The following PNPT1 variants were observed in gnomAD, a reference collection of about 807,000 sequenced individuals.
PNPT1 encodes polyribonucleotide nucleotidyltransferase 1, mitochondrial.
Under a neutral mutation model 119.5 loss-of-function variants are expected in PNPT1, and 53 were observed. That is an observed-to-expected ratio of 0.44 (90% CI 0.36 to 0.56). The LOEUF is 0.56. PNPT1 is among the 20% of genes least tolerant of loss of function. The probability of loss-of-function intolerance (pLI) is 0.00; values close to 1 mark genes in which losing one functional copy is unlikely to be tolerated. For missense variants in PNPT1, 948 were observed against 938.5 expected, an observed-to-expected ratio of 1.01 and a Z score of -0.13; for synonymous variants, 357 against 322.1, an observed-to-expected ratio of 1.11 and a Z score of -1.16.
chr2:55,667,135 A>C lies in PNPT1; in HGVS notation c.1074-42T>G, dbSNP rs751148241. ...AATAAGTACATTAAGTAACGCTGGA[A>C]ACAGAAAAATCACATGTCTTTATCT... On this transcript the variant is annotated intron_variant, in intron 12 of 27. Coordinates refer to ENST00000447944, the MANE Select transcript of PNPT1 (RefSeq NM_033109.5). 9 of 1,470,670 alleles carry C rather than the reference A, an allele frequency of 6.1e-6. No homozygotes were observed. The South Asian group carries it at 1.0e-4, about 17-fold the overall frequency. 91.1% of individuals were successfully genotyped at this position (1,470,670 alleles called of 1,614,324 possible). A position where few individuals can be genotyped will look rare whatever the true frequency, so the allele number is the denominator to read the frequency against.
intron 18 of PNPT1, among the ~76,000 whole-genome samples, chr2:55,648,576 G>A (rs1383520540): frequency 2.0e-5 from 3 of 152,036 alleles, no homozygotes; most frequent in African/African-American, 4.8e-5. Flanking sequence ...TATGACTGAG[G>A]TTGAAAACTA....
chr2:55,645,021 AAT>A, intron 22 of PNPT1: 7 of 285,142 alleles, frequency 2.5e-5, no homozygotes, highest in East Asian at 6.8e-5. Flanking sequence ...TGATCACTAA[AAT>A]TTTTTTTTTT....
At position 55,636,367 on chromosome 2, in the gene PNPT1, G is replaced by T. The variant is rs1402909857; in HGVS notation, c.2222C>A (p.Ala741Asp). The change falls in exon 28 of 28, where the codon GCC becomes GAC. Residue 741 changes from alanine (A) to aspartate (D), a missense_variant. Physicochemically the swap from Ala to Asp is moderately radical, Grantham distance 126. Transcript: ENST00000447944. Reference protein sequence around the residue: ...IQVKYFGRDPADGRMRLSRKV... With the variant: ...IQVKYFGRDPDDGRMRLSRKV... Reference sequence around the variant, plus strand: ...TCGAGAAAGCCTCATTCTTCCATCGGCTGGGTCACGTCCAAAGTATTTCAC... The same window carrying T: ...TCGAGAAAGCCTCATTCTTCCATCGTCTGGGTCACGTCCAAAGTATTTCAC... The T allele has an allele frequency of 6.2e-7, 1 of 1,613,840 alleles. No individual in the cohort carries two copies. The highest frequency in any genetic ancestry group is 8.5e-7 in the Non-Finnish European group (1 of 1,179,938).
At chr2:55,670,405 C>G (rs1302272642) in intron 11 of PNPT1, among the ~76,000 whole-genome samples, 1 of 151,394 alleles carries the variant, frequency 6.6e-6, no homozygotes, top group African/African-American at 2.4e-5. Flanking sequence ...CCAGGATGGT[C>G]TCGATCTCTT....
intron 19 of PNPT1, among the ~76,000 whole-genome samples, 183 bp downstream of exon 19, chr2:55,647,164 G>T (rs1225698432): frequency 1.3e-5 from 2 of 152,016 alleles, no homozygotes; most frequent in Non-Finnish European, 2.9e-5. Flanking sequence ...TAAGATACAA[G>T]GTGAACATGC....
chr2:55,640,674 T>A lies in PNPT1; in HGVS notation c.2101A>T (p.Asn701Tyr), dbSNP rs200224969. Reference protein sequence around the residue: ...DTGVMVKLYPNMTAVLLHNTQ... With the variant: ...DTGVMVKLYPYMTAVLLHNTQ... ...TTATGAAGCAGTACCGCAGTCATAT[T>A]TGGATATAATTTTACCATTACACCA... The change falls in exon 26 of 28, where the codon AAT (asparagine) becomes TAT (tyrosine). Residue 701 changes from asparagine (N) to tyrosine (Y), a missense_variant. Physicochemically the swap from Asn to Tyr is moderately radical, Grantham distance 143 (BLOSUM62 -2). Transcript: ENST00000447944. The A allele has an allele frequency of 3.8e-6, 6 of 1,591,914 alleles. No individual in the cohort carries two copies. Among genetic ancestry groups the A allele is most frequent in the Non-Finnish European group, 5.2e-6 (6 of 1,161,274 alleles).
At chr2:55,642,166 AT>A (rs1695852814) in intron 25 of PNPT1, among the ~76,000 whole-genome samples, 1 of 152,162 alleles carries the variant, frequency 6.6e-6, no homozygotes, top group Admixed American at 6.5e-5. Context: ...ATATGTGCCA[AT>A]TAAGCATTCA....
intron 15 of PNPT1, 76 bp from the exon 16 acceptor site, chr2:55,656,447 A>T: frequency 1.5e-6 from 2 of 1,308,038 alleles, no homozygotes; most frequent in Non-Finnish European, 2.1e-6. Context: ...CCAAAATAAT[A>T]AAACAACTTA....
rs1697188747 is a variant in PNPT1 at position 55,679,784 on chromosome 2, T to C, written c.577A>G (p.Ile193Val). 2 of 1,603,946 alleles carry C rather than the reference T, an allele frequency of 1.2e-6. No homozygotes were observed. The highest frequency in any genetic ancestry group is 1.7e-6 in the Non-Finnish European group (2 of 1,172,888). The change falls in exon 8 of 28, where the codon ATA (isoleucine) becomes GTA (valine). Residue 193 changes from isoleucine to valine, a missense_variant. Ile to Val is a conservative substitution (Grantham distance 29). Transcript: ENST00000447944. ...PWNGPVGAVR[I>V]GIIDGEYVVN... ...ACATATTCTCCATCAATTATTCCTA[T>C]TCGTACTGCCCCTAAAATGTATTAG...
At chr2:55,663,172 C>A (rs1041893985) in intron 13 of PNPT1, among the ~76,000 whole-genome samples, 1 of 152,146 alleles carries the variant, frequency 6.6e-6, no homozygotes, top group African/African-American at 2.4e-5. Flanking sequence ...GCGTGAGCCA[C>A]CACGCCCGGC....
intron 8 of PNPT1, among the ~76,000 whole-genome samples, chr2:55,674,592 C>T (rs1697009085): frequency 6.6e-6 from 1 of 151,878 alleles, no homozygotes; most frequent in African/African-American, 2.4e-5. Flanking sequence ...GGCTCCATCT[C>T]AAAAAAATAA....
chr2:55,655,248 T>C (rs1006965191), intron 17 of PNPT1, among the ~76,000 whole-genome samples: 3 of 152,116 alleles, frequency 2.0e-5, no homozygotes, highest in Non-Finnish European at 4.4e-5. Context: ...AAAAGTTTTA[T>C]TTTACTATTA....
At chr2:55,682,625 T>C (rs1359656985) in intron 5 of PNPT1, among the ~76,000 whole-genome samples, 1 of 152,136 alleles carries the variant, frequency 6.6e-6, no homozygotes. Context: ...AAAACTTCAG[T>C]GACCGGGTGT....
intron 8 of PNPT1, among the ~76,000 whole-genome samples, chr2:55,676,612 G>A (rs782624): frequency 0.93 from 141,550 of 152,254 alleles, 66,343 homozygotes; most frequent in African/African-American, 0.96. Context: ...CTGCAATCCC[G>A]GCACTTCGGG....
chr2:55,685,181 T>C lies in PNPT1; in HGVS notation c.298-133A>G, dbSNP rs893087579. On this transcript the variant is annotated intron_variant, in intron 3 of 27. Coordinates refer to ENST00000447944, the MANE Select transcript of PNPT1 (RefSeq NM_033109.5). ...AGTAGAAAATGTTATTTACTTAGCA[T>C]TTTGTATCTTTTGGGGAGAGGAAAG... 6.9e-6 allele frequency: 4 copies of C among 582,228 alleles called. No individual in the cohort carries two copies. The Admixed American group carries it at 1.2e-4, about 18-fold the overall frequency. The allele number at this position is 582,228 out of a possible 1,614,324, so 36.1% of individuals were successfully genotyped here.
chr2:55,663,747 G>T (rs1232921949), intron 13 of PNPT1, among the ~76,000 whole-genome samples: 2 of 152,166 alleles, frequency 1.3e-5, no homozygotes, highest in Non-Finnish European at 2.9e-5. Context: ...AGGAGGCTGA[G>T]GCAGGTGAAT....
intron 14 of PNPT1, among the ~76,000 whole-genome samples, chr2:55,661,304 G>T (rs547039371): frequency 6.6e-6 from 1 of 151,772 alleles, no homozygotes; most frequent in Non-Finnish European, 1.5e-5. Context: ...TTTTAGCCAG[G>T]ATAGTCTTGG....
intron 23 of PNPT1, 71 bp from the exon 24 acceptor site, chr2:55,643,496 GC>G: frequency 7.6e-7 from 1 of 1,318,558 alleles, no homozygotes; most frequent in Non-Finnish European, 1.1e-6. Flanking sequence ...TGTAATCCCA[GC>G]ACTCTGGGGG....
chr2:55,683,940 A>T (rs1572834176), intron 4 of PNPT1, 106 bp from the exon 5 acceptor site: 1 of 1,087,202 alleles, frequency 9.2e-7, no homozygotes. Context: ...TTCAAGAAAA[A>T]TCCCCTTGGA....
Sources: gnomAD v4.1 joint callset for allele counts (sites outside exome capture counted in the v4.1 genomes callset) on GRCh38, gnomAD v4.1.1 for gene constraint, MANE v1.5 for transcripts, NCBI Gene and HGNC (gene_info 2026-07-23, HGNC 2026-07-21) for gene names.